Variants in GPC6 observed in about 807,000 individuals in gnomAD.
GPC6 encodes glypican-6.
Under a neutral mutation model 55.2 loss-of-function variants are expected in GPC6, and 14 were observed. The ratio of observed to expected loss-of-function variants is 0.25; its 90% CI spans 0.17 to 0.40. GPC6 has a LOEUF of 0.40. Ranked by LOEUF, GPC6 falls within the 10% of genes least tolerant of loss-of-function variation. The pLI is 1.00. For missense variants in GPC6, 641 were observed against 708.5 expected (o/e 0.90, Z 1.08); for synonymous variants, 278 against 259.6 (o/e 1.07, Z -0.68).
chr13:93,389,196 G>A (rs1214266585), intron 1 of GPC6, among the ~76,000 whole-genome samples: 1 of 151,976 alleles, frequency 6.6e-6, no homozygotes, highest in Non-Finnish European at 1.5e-5. Context: ...AAATACTCGT[G>A]ACTGAATAAA....
chr13:93,376,815 T>C (rs1594128740), intron 1 of GPC6, among the ~76,000 whole-genome samples: 1 of 151,654 alleles, frequency 6.6e-6, no homozygotes, highest in African/African-American at 2.4e-5. Flanking sequence ...ATAAATGATA[T>C]ATATAAAATG....
chr13:94,346,451 G>A (rs1055898903), intron 6 of GPC6, among the ~76,000 whole-genome samples: 6 of 152,140 alleles, frequency 3.9e-5, no homozygotes, highest in Admixed American at 1.3e-4. Flanking sequence ...GGCCGGGCAC[G>A]GTGGCTCACG....
upstream of GPC6, among the ~76,000 whole-genome samples, chr13:93,224,092 G>A (rs553488623): frequency 1.0e-3 from 155 of 151,422 alleles, no homozygotes; most frequent in African/African-American, 3.7e-3. Context: ...TAGAGACGGG[G>A]TTTCACCGTG....
chr13:93,367,545 G>C (rs756050818), intron 1 of GPC6, among the ~76,000 whole-genome samples: 1 of 151,908 alleles, frequency 6.6e-6, no homozygotes, highest in Non-Finnish European at 1.5e-5. Flanking sequence ...TAACTGATTT[G>C]AGACTTTCCC....
intron 4 of GPC6, among the ~76,000 whole-genome samples, chr13:94,174,318 T>G (rs1006520610): frequency 8.5e-5 from 13 of 152,152 alleles, no homozygotes; most frequent in African/African-American, 2.9e-4. Flanking sequence ...ATAAGAATGT[T>G]GAACAGCAGC....
intron 7 of GPC6, among the ~76,000 whole-genome samples, chr13:94,393,618 A>G (rs954232294): frequency 6.6e-6 from 1 of 152,090 alleles, no homozygotes. Flanking sequence ...AGAATCATGC[A>G]CCTGAGAAGA....
chr13:94,071,235 A>G (rs190766285), intron 4 of GPC6, among the ~76,000 whole-genome samples: 186 of 152,330 alleles, frequency 1.2e-3, no homozygotes, highest in East Asian at 7.3e-3. Flanking sequence ...TGAAATTTCA[A>G]TGATGAATAG....
At position 94,241,539 on chromosome 13, in the gene GPC6, A is replaced by G. The variant is rs147380007; in HGVS notation, c.878-44810A>G. 2.2e-4 allele frequency among the ~76,000 whole-genome samples: 33 copies of G among 152,260 alleles called. No individual in the cohort carries two copies. In the East Asian group the frequency reaches 3.3e-3, roughly 15 times the overall value. ...CATATCTGTGAGCAGAAAAATGGTA[A>G]TCTTGTCATTGCACAGTGCAGAGAT... On this transcript the variant is annotated intron_variant, in intron 4 of 8. Coordinates refer to ENST00000377047, the MANE Select transcript of GPC6 (RefSeq NM_005708.5).
chr13:94,290,701 T>C (rs1488080483), intron 5 of GPC6, among the ~76,000 whole-genome samples: 1 of 152,214 alleles, frequency 6.6e-6, no homozygotes, highest in Non-Finnish European at 1.5e-5. Flanking sequence ...AAGTATAAAA[T>C]ACCTTGTTAT....
chr13:93,490,056 G>T lies in GPC6; in HGVS notation c.161-55207G>T, dbSNP rs879593074. Among the ~76,000 whole-genome samples the T allele has an allele frequency of 2.7e-3, 405 of 151,452 alleles. 10 individuals are homozygous for T. Among genetic ancestry groups the T allele is most frequent in the Admixed American group, 0.022 (334 of 15,262 alleles). On this transcript the variant is annotated intron_variant, in intron 1 of 8. Transcript: ENST00000377047. ...TCCCTGTCTTGTGCCAGTTTTCAAAGGGAATGCTTCCAGTTTTTGCCCATT... is the reference window on the plus strand; with the variant it reads ...TCCCTGTCTTGTGCCAGTTTTCAAATGGAATGCTTCCAGTTTTTGCCCATT...
chr13:94,305,043 T>G (rs1875871510), intron 5 of GPC6, among the ~76,000 whole-genome samples: 1 of 152,216 alleles, frequency 6.6e-6, no homozygotes, highest in South Asian at 2.1e-4. Context: ...CAAACGGATG[T>G]TTATAGAATG....
intron 1 of GPC6, among the ~76,000 whole-genome samples, chr13:93,418,975 TTTA>T (rs1876821943): frequency 1.3e-5 from 2 of 151,468 alleles, no homozygotes; most frequent in Non-Finnish European, 3.0e-5. Context: ...GTAGTATCAT[TTTA>T]TTAATAGCAC....
intron 1 of GPC6, among the ~76,000 whole-genome samples, chr13:93,441,012 A>G (rs1186739736): frequency 6.6e-6 from 1 of 152,172 alleles, no homozygotes; most frequent in Non-Finnish European, 1.5e-5. Flanking sequence ...TGTCCCTACA[A>G]AGGACATGAA....
chr13:93,318,606 C>T (rs1879323303), intron 1 of GPC6, among the ~76,000 whole-genome samples: 1 of 151,942 alleles, frequency 6.6e-6, no homozygotes, highest in Non-Finnish European at 1.5e-5. Context: ...GTTAGAAATA[C>T]TATGAATTTA....
intron 2 of GPC6, among the ~76,000 whole-genome samples, chr13:93,589,661 A>G (rs1017093547): frequency 6.6e-6 from 1 of 152,030 alleles, no homozygotes; most frequent in Non-Finnish European, 1.5e-5. Flanking sequence ...AAATCACATA[A>G]CCTCTGTAAA....
intron 1 of GPC6, among the ~76,000 whole-genome samples, chr13:93,528,383 G>A (rs1881732639): frequency 6.6e-6 from 1 of 152,078 alleles, no homozygotes; most frequent in African/African-American, 2.4e-5. Context: ...GATGGTAGTT[G>A]GTTTGATTTA....
intron 1 of GPC6, among the ~76,000 whole-genome samples, chr13:93,424,758 T>C (rs1877060449): frequency 6.6e-6 from 1 of 152,194 alleles, no homozygotes; most frequent in Admixed American, 6.6e-5. Flanking sequence ...AACGTTTTCA[T>C]TGAATTATTT....
chr13:93,712,261 A>G lies in GPC6; in HGVS notation c.320-117893A>G, dbSNP rs549258706. On this transcript the variant is annotated intron_variant, in intron 2 of 8. Transcript: ENST00000377047. ...ATATGGAGTAATGCGCAAAAATGCCAAGACACTATTGACAAAGAATGAGAG... is the reference window on the plus strand; with the variant it reads ...ATATGGAGTAATGCGCAAAAATGCCGAGACACTATTGACAAAGAATGAGAG... Among the ~76,000 whole-genome samples, 4 of 151,912 alleles carry G rather than the reference A, an allele frequency of 2.6e-5. 1 individual carries two copies. The South Asian group carries it at 8.3e-4, about 31-fold the overall frequency.
intron 1 of GPC6, among the ~76,000 whole-genome samples, chr13:93,264,281 G>A (rs1877249515): frequency 1.3e-5 from 2 of 152,144 alleles, no homozygotes; most frequent in South Asian, 4.1e-4. Context: ...ATATCCCTCG[G>A]TATCCATAGG....
Sources: gnomAD v4.1 joint callset for allele counts (sites outside exome capture counted in the v4.1 genomes callset) on GRCh38, gnomAD v4.1.1 for gene constraint, MANE v1.5 for transcripts, NCBI Gene and HGNC (gene_info 2026-07-23, HGNC 2026-07-21) for gene names.